HECW2: variants seen among roughly 807,000 people sequenced by gnomAD.
The protein encoded by HECW2 is E3 ubiquitin-protein ligase HECW2.
HECW2 carries 61 observed loss-of-function variants against 175.2 expected under a neutral mutation model. The observed-to-expected ratio is 0.35, with a 90% CI of 0.28 to 0.43. HECW2 has a LOEUF of 0.43. HECW2 is among the 20% of genes least tolerant of loss of function. HECW2 has a pLI of 1.00. For synonymous variants in HECW2, 671 were observed against 731.0 expected (o/e 0.92, Z 1.32); for missense variants, 1,524 against 2,000.5 (o/e 0.76, Z 4.54).
chr2:196,324,990 C>A lies in HECW2; in HGVS notation c.731G>T (p.Trp244Leu). 1 of 1,573,598 alleles carries A rather than the reference C, an allele frequency of 6.4e-7. No homozygotes were observed. The highest frequency in any genetic ancestry group is 2.0e-5 in the Admixed American group (1 of 50,652). The change falls in exon 6 of 29, where the codon TGG becomes TTG. Residue 244 changes from tryptophan to leucine, a missense_variant. Coordinates refer to ENST00000644978, the MANE Select transcript of HECW2 (RefSeq NM_001348768.2). ...CGAGGATCATCTTACCTCTCGGTGCCAAATTGGATTGGTGGTGTTACTGAT... is the reference window on the plus strand; with the variant it reads ...CGAGGATCATCTTACCTCTCGGTGCAAAATTGGATTGGTGGTGTTACTGAT... ...TIISNTTNPI[W>L]HREKYSFFAL... is the part of the protein sequence containing the mutation.
intron 1 of HECW2, among the ~76,000 whole-genome samples, chr2:196,505,259 C>T (rs1168771549): frequency 6.6e-6 from 1 of 152,076 alleles, no homozygotes; most frequent in East Asian, 1.9e-4. Flanking sequence ...GAAAACAAGG[C>T]CAGGCACAGT....
chr2:196,379,967 T>C (rs750962229), intron 2 of HECW2, among the ~76,000 whole-genome samples: 12 of 152,072 alleles, frequency 7.9e-5, no homozygotes, highest in Admixed American at 2.0e-4. Context: ...ATAAATAAAT[T>C]GTTAACTGGA....
intron 1 of HECW2, among the ~76,000 whole-genome samples, chr2:196,458,594 G>A (rs1047244812): frequency 3.9e-5 from 6 of 152,132 alleles, no homozygotes; most frequent in African/African-American, 9.7e-5. Flanking sequence ...TAGGCTGGGC[G>A]TGGTGGCTCA....
At chr2:196,518,630 A>C (rs2125428492) in intron 1 of HECW2, among the ~76,000 whole-genome samples, 1 of 139,624 alleles carries the variant, frequency 7.2e-6, no homozygotes, top group Non-Finnish European at 1.5e-5. Flanking sequence ...ACTCCAGCCT[A>C]GGCAACAGAG....
intron 1 of HECW2, among the ~76,000 whole-genome samples, chr2:196,494,470 T>C (rs1236499910): frequency 2.0e-5 from 3 of 152,124 alleles, no homozygotes; most frequent in Admixed American, 2.0e-4. Flanking sequence ...TTCCAGACTT[T>C]AGTATTTAAT....
At chr2:196,311,896 G>C (rs1319988595) in intron 10 of HECW2, among the ~76,000 whole-genome samples, 2 of 152,046 alleles carry the variant, frequency 1.3e-5, no homozygotes, top group Admixed American at 1.3e-4. Flanking sequence ...ATAAATAGGC[G>C]CTTTTCAGTG....
chr2:196,278,442 TAA>T, intron 15 of HECW2, 84 bp downstream of exon 15: 2 of 1,439,284 alleles, frequency 1.4e-6, no homozygotes, highest in Non-Finnish European at 1.9e-6. Flanking sequence ...AAAAATGCTT[TAA>T]AAAAATCAGT....
chr2:196,540,229 TAAAC>T (rs1689165793), intron 1 of HECW2, among the ~76,000 whole-genome samples: 3 of 152,306 alleles, frequency 2.0e-5, no homozygotes, highest in African/African-American at 7.2e-5. Context: ...ATTTTTTAAA[TAAAC>T]AAATATTTTA....
rs573440272 is a variant in HECW2, at chr2:196,235,863, C to G, written c.3764+4586G>C. Among the ~76,000 whole-genome samples, 4 of 151,616 alleles carry G rather than the reference C, an allele frequency of 2.6e-5. No individual in the cohort carries two copies. The East Asian group carries it at 7.8e-4, about 30-fold the overall frequency. On this transcript the variant is annotated intron_variant, in intron 21 of 28. Coordinates refer to ENST00000644978, the MANE Select transcript of HECW2 (RefSeq NM_001348768.2). Reference sequence around the variant, plus strand: ...TTAGTAGAGATGGGGTTTCACCGTGCTAGCCAGGATGGTCTCGATCTTCTG... The same window carrying G: ...TTAGTAGAGATGGGGTTTCACCGTGGTAGCCAGGATGGTCTCGATCTTCTG...
intron 1 of HECW2, among the ~76,000 whole-genome samples, chr2:196,497,536 T>C (rs1204640568): frequency 6.6e-6 from 1 of 152,102 alleles, no homozygotes; most frequent in African/African-American, 2.4e-5. Flanking sequence ...CAGAAAACAA[T>C]ACCCCAAATG....
At chr2:196,539,760 T>C (rs1689149559) in intron 1 of HECW2, among the ~76,000 whole-genome samples, 1 of 152,246 alleles carries the variant, frequency 6.6e-6, no homozygotes, top group Non-Finnish European at 1.5e-5. Flanking sequence ...TTTTGTTTAT[T>C]AGTCCTTGAG....
At chr2:196,402,803 A>ATTTTTTTT (rs369586280) in intron 2 of HECW2, among the ~76,000 whole-genome samples, 1 of 123,620 alleles carries the variant, frequency 8.1e-6, no homozygotes, top group East Asian at 2.3e-4. Context: ...TGCCTTGGGA[A>ATTTTTTTT]TTTTTTTTTT....
intron 4 of HECW2, chr2:196,331,032 C>T (rs540802905): frequency 2.2e-6 from 1 of 457,062 alleles, no homozygotes; most frequent in South Asian, 9.3e-5. Context: ...CTAATCCAAG[C>T]AAAGTTGAGA....
intron 2 of HECW2, among the ~76,000 whole-genome samples, chr2:196,394,822 T>A (rs1253065674): frequency 1.3e-5 from 2 of 152,214 alleles, no homozygotes; most frequent in Non-Finnish European, 2.9e-5. Context: ...TTGGACCATG[T>A]CTTAGTCCCT....
intron 6 of HECW2, among the ~76,000 whole-genome samples, chr2:196,322,931 A>G (rs1266367086): frequency 6.6e-6 from 1 of 152,062 alleles, no homozygotes; most frequent in Admixed American, 6.5e-5. Flanking sequence ...CAATTTTAGT[A>G]CTCCCTACAT....
chr2:196,252,178 A>AAATAAT (rs10666310), intron 19 of HECW2, among the ~76,000 whole-genome samples: 8,627 of 133,100 alleles, frequency 0.065, 459 homozygotes, highest in African/African-American at 0.14. Context: ...CTCCGATTCA[A>AAATAAT]AATAATAATA....
At chr2:196,368,326 T>G (rs1559071138) in intron 2 of HECW2, among the ~76,000 whole-genome samples, 1 of 152,200 alleles carries the variant, frequency 6.6e-6, no homozygotes, top group Admixed American at 6.5e-5. Flanking sequence ...ATTGCAGTTT[T>G]GCTGTGCACT....
chr2:196,348,525 G>A (rs1693047098), intron 2 of HECW2, among the ~76,000 whole-genome samples: 2 of 152,078 alleles, frequency 1.3e-5, no homozygotes, highest in Non-Finnish European at 1.5e-5. Context: ...GCATGCACCT[G>A]TAGCCCTAGT....
At chr2:196,378,770 A>T (rs1424141725) in intron 2 of HECW2, among the ~76,000 whole-genome samples, 1 of 152,246 alleles carries the variant, frequency 6.6e-6, no homozygotes, top group Non-Finnish European at 1.5e-5. Context: ...AAAATTCATA[A>T]TTTTTCAATG....
Sources: allele counts gnomAD v4.1 joint callset (sites outside exome capture counted in the v4.1 genomes callset), GRCh38; gene constraint gnomAD v4.1.1; transcripts MANE v1.5; gene names NCBI Gene and HGNC (gene_info 2026-07-23, HGNC 2026-07-21).